Variants in GFM2 observed in about 807,000 individuals in gnomAD.
GFM2 encodes the protein GTP dependent ribosome recycling factor mitochondrial 2, also known as ribosome-releasing factor 2, mitochondrial.
A neutral mutation model predicts 95.4 loss-of-function variants in GFM2; 72 were observed. That is an observed-to-expected ratio of 0.76 (90% CI 0.62 to 0.92). The LOEUF is 0.92. Among genes scored for constraint, GFM2 ranks in the 40% least tolerant of loss-of-function variants. GFM2 has a pLI of 0.00. For missense variants in GFM2, 825 were observed against 924.1 expected (o/e 0.89, Z 1.39); for synonymous variants, 276 against 317.5 (o/e 0.87, Z 1.39).
At chr5:74,759,964 T>G (rs1225831124) in intron 3 of GFM2, among the ~76,000 whole-genome samples, 2 of 152,114 alleles carry the variant, frequency 1.3e-5, no homozygotes, top group African/African-American at 2.4e-5. Flanking sequence ...CTATAACAAT[T>G]TAATACTTTT....
chr5:74,725,783 A>C (rs754940538), intron 18 of GFM2, 28 bp from the exon 19 acceptor site: 1 of 1,535,388 alleles, frequency 6.5e-7, no homozygotes, highest in African/African-American at 1.4e-5. Context: ...ATTGTATCAT[A>C]CTCTGCTAGA....
intron 7 of GFM2, among the ~76,000 whole-genome samples, chr5:74,748,938 A>T (rs1352227687): frequency 2.0e-5 from 3 of 147,474 alleles, no homozygotes; most frequent in African/African-American, 7.5e-5. Context: ...AAAAAAAATA[A>T]AAAATAAAAT....
chr5:74,723,461 C>T (rs1310199231), intron 19 of GFM2, among the ~76,000 whole-genome samples: 1 of 152,126 alleles, frequency 6.6e-6, no homozygotes, highest in Non-Finnish European at 1.5e-5. Context: ...ACTTCCTTTT[C>T]CCCAAGTAAG....
In GFM2 at chr5:74,738,945, T is replaced by C. The variant is rs146690516; in HGVS notation, c.1080-303A>G. 1.2e-3 allele frequency among the ~76,000 whole-genome samples: 176 copies of C among 152,262 alleles called. 3 individuals carry two copies. In the East Asian group the frequency reaches 0.032, roughly 28 times the overall value. On this transcript the variant is annotated intron_variant, in intron 12 of 20. Transcript: ENST00000296805. Reference sequence around the variant, plus strand: ...ATACCTGGGAATATCACACTACTTATCAAGAAATCTGCACAGGGTAAATAA... The same window carrying C: ...ATACCTGGGAATATCACACTACTTACCAAGAAATCTGCACAGGGTAAATAA...
At chr5:74,736,159 TAGAG>T (rs1161143349) in intron 15 of GFM2, among the ~76,000 whole-genome samples, 3 of 152,150 alleles carry the variant, frequency 2.0e-5, no homozygotes, top group African/African-American at 7.2e-5. Flanking sequence ...TGTTAGGAGA[TAGAG>T]AGAAATAAAT....
chr5:74,760,688 T>C lies in GFM2; in HGVS notation c.148+214A>G, dbSNP rs7705519. ...AGCCACCAACCTTTCCTTTGCTCAGTTCATCAGCGTGTTCCTCAGATAAGG... is the reference window on the plus strand; with the variant it reads ...AGCCACCAACCTTTCCTTTGCTCAGCTCATCAGCGTGTTCCTCAGATAAGG... On this transcript the variant is annotated intron_variant, in intron 3 of 20. Coordinates refer to ENST00000296805, the MANE Select transcript of GFM2 (RefSeq NM_032380.5). 0.18 allele frequency among the ~76,000 whole-genome samples: 26,686 copies of C among 152,200 alleles called. 2,718 individuals are homozygous for C. Among genetic ancestry groups the C allele is most frequent in the African/African-American group, 0.28 (11,679 of 41,506 alleles).
Position 74,751,402 on chromosome 5 carries a change from C to T in GFM2, c.396G>A (p.Trp132Ter). The T allele has an allele frequency of 6.2e-7, 1 of 1,612,608 alleles. No homozygotes were observed. The highest frequency in any genetic ancestry group is 8.5e-7 in the Non-Finnish European group (1 of 1,178,680). ...TIQSAAVTFDWKGYRVNLIDT... is the reference protein window; with the variant it reads ...TIQSAAVTFD ...CAATTAGATTGACTCTATAACCTTT[C>T]CAATCAAATGTAACAGCAGCTGATT... The change falls in exon 6 of 21, where the codon TGG (tryptophan) becomes TGA (stop). Residue 132 changes from tryptophan (W) to a stop codon, truncating the protein, a stop_gained. Coordinates refer to ENST00000296805, the MANE Select transcript of GFM2 (RefSeq NM_032380.5). LOFTEE classifies it high-confidence loss of function.
Position 74,725,376 on chromosome 5 carries a change from T to C in GFM2, c.2028+264A>G, listed in dbSNP as rs62366372. On this transcript the variant is annotated intron_variant, in intron 19 of 20. Coordinates refer to ENST00000296805, the MANE Select transcript of GFM2 (RefSeq NM_032380.5). ...CTGTCAGGGATGGGGAAAGCAGAAATGTCACTTAAGGAAGCTTGCCTCTTT... is the reference window on the plus strand; with the variant it reads ...CTGTCAGGGATGGGGAAAGCAGAAACGTCACTTAAGGAAGCTTGCCTCTTT... 0.028 allele frequency among the ~76,000 whole-genome samples: 4,241 copies of C among 152,292 alleles called. 69 individuals carry two copies. The highest frequency in any genetic ancestry group is 0.043 in the Non-Finnish European group (2,891 of 68,016).
rs756220262 is a variant in GFM2, at chr5:74,737,001, A to T, written c.1321-16T>A. On this transcript the variant is annotated splice_polypyrimidine_tract_variant and intron_variant, in intron 14 of 20. Transcript: ENST00000296805. ...CAGTGGCAGTCTGCAAGCAAACAAG[A>T]TGACTTGGAACGAAAGTGGCATTTA... 1.9e-6 allele frequency: 3 copies of T among 1,611,960 alleles called. No homozygotes were observed. Among genetic ancestry groups the T allele is most frequent in the Non-Finnish European group, 2.5e-6 (3 of 1,179,122 alleles).
intron 7 of GFM2, among the ~76,000 whole-genome samples, chr5:74,748,912 AAAAAT>A (rs1311090135): frequency 8.9e-6 from 1 of 112,014 alleles, no homozygotes; most frequent in East Asian, 2.2e-4. Flanking sequence ...AATAAAATAA[AAAAAT>A]AAAAAAAAAT....
intron 17 of GFM2, among the ~76,000 whole-genome samples, chr5:74,727,089 G>T (rs1176940833): frequency 6.6e-6 from 1 of 152,066 alleles, no homozygotes; most frequent in African/African-American, 2.4e-5. Context: ...GATTGCTGGA[G>T]CCCAGGAGTT....
intron 5 of GFM2, among the ~76,000 whole-genome samples, chr5:74,756,894 T>C (rs1042183167): frequency 6.6e-6 from 1 of 152,104 alleles, no homozygotes; most frequent in African/African-American, 2.4e-5. Flanking sequence ...ATTAGAGTGA[T>C]ACAATGAACT....
chr5:74,736,560 GAGT>G, intron 15 of GFM2: 1 of 1,364,612 alleles, frequency 7.3e-7, no homozygotes, highest in Non-Finnish European at 9.4e-7. Flanking sequence ...AGCACTACAA[GAGT>G]AAGGAAGAAT....
At chr5:74,763,899 G>A in intron 1 of GFM2, 133 bp from the exon 2 acceptor site, 1 of 511,376 alleles carries the variant, frequency 2.0e-6, no homozygotes, top group African/African-American at 1.9e-5. Context: ...AATATTTTTA[G>A]CTACCAAAAA....
chr5:74,731,146 G>C (rs1742542280), intron 16 of GFM2, among the ~76,000 whole-genome samples: 1 of 152,174 alleles, frequency 6.6e-6, no homozygotes. Flanking sequence ...GTAGGCAACT[G>C]TCATGACACA....
At chr5:74,746,083 C>G (rs765737516) in intron 9 of GFM2, 22 bp downstream of exon 9, 3 of 1,479,776 alleles carry the variant, frequency 2.0e-6, no homozygotes, top group African/African-American at 2.8e-5. Flanking sequence ...TGAGAAGAAG[C>G]TGATGCTATT....
At chr5:74,742,104 T>G (rs1016853887) in intron 10 of GFM2, among the ~76,000 whole-genome samples, 1 of 152,212 alleles carries the variant, frequency 6.6e-6, no homozygotes, top group African/African-American at 2.4e-5. Context: ...AAGGGAGGCG[T>G]AGGCAATATT....
chr5:74,751,497 G>A lies in GFM2; in HGVS notation c.305-4C>T, dbSNP rs377655338. ...ACTGTGTCTCCATCATCAACATCTA[G>A]CCAGGAAAAAGATGATACAGTTTAG... On this transcript the variant is annotated splice_region_variant and splice_polypyrimidine_tract_variant and intron_variant, in intron 5 of 20. Coordinates refer to ENST00000296805, the MANE Select transcript of GFM2 (RefSeq NM_032380.5). The A allele has an allele frequency of 6.2e-7, 1 of 1,605,624 alleles. No individual in the cohort carries two copies. Among genetic ancestry groups the A allele is most frequent in the Admixed American group, 1.7e-5 (1 of 59,906 alleles).
At chr5:74,751,632 TTCAC>T (rs1270624922) in intron 5 of GFM2, 139 bp from the exon 6 acceptor site, 2 of 548,022 alleles carry the variant, frequency 3.6e-6, no homozygotes, top group Non-Finnish European at 6.3e-6. Flanking sequence ...CCTTTACTCT[TTCAC>T]TAAGTAAATC....
Sources: allele counts gnomAD v4.1 joint callset (sites outside exome capture counted in the v4.1 genomes callset), GRCh38; gene constraint gnomAD v4.1.1; transcripts MANE v1.5; gene names NCBI Gene and HGNC (gene_info 2026-07-23, HGNC 2026-07-21).